Variants in WWTR1 observed in about 807,000 individuals in gnomAD.
WWTR1 encodes WW domain-containing transcription regulator protein 1.
In WWTR1, 13 loss-of-function variants were observed where a neutral mutation model predicts 40.1. The observed-to-expected ratio is 0.32, with a 90% CI of 0.21 to 0.52. The LOEUF is 0.52. Ranked by LOEUF, WWTR1 falls within the 20% of genes least tolerant of loss-of-function variation. The pLI, the probability that WWTR1 is intolerant of heterozygous loss-of-function variation, is 0.97. For missense variants in WWTR1, 436 were observed against 523.1 expected (o/e 0.83, Z 1.63); for synonymous variants, 230 against 210.1 (o/e 1.09, Z -0.82).
At chr3:149,617,104 C>G (rs1740011344) in intron 2 of WWTR1, among the ~76,000 whole-genome samples, 1 of 152,150 alleles carries the variant, frequency 6.6e-6, no homozygotes, top group African/African-American at 2.4e-5. Context: ...TAATTAAAAC[C>G]AGCACACCCA....
In WWTR1 at chr3:149,699,529, G is replaced by T. The variant is rs553705105; in HGVS notation, c.-108+3595C>A. ...GCTGGTCTTGAACTCCCAACCTCAG[G>T]TTATCTGCCTGCCTTGACCTCCCAA... On this transcript the variant is annotated intron_variant, in intron 1 of 7. Transcript: ENST00000465804. Among the ~76,000 whole-genome samples the T allele has an allele frequency of 1.0e-3, 153 of 152,186 alleles. 1 individual carries two copies. The highest frequency in any genetic ancestry group is 3.4e-3 in the Middle Eastern group (1 of 292).
intron 4 of WWTR1, among the ~76,000 whole-genome samples, chr3:149,535,250 G>T (rs554463890): frequency 1.3e-5 from 2 of 151,404 alleles, no homozygotes; most frequent in South Asian, 4.2e-4. Flanking sequence ...AAAAAAGACA[G>T]TATTTTGAAA....
At chr3:149,610,288 A>ATGATGTTTT (rs1739674876) in intron 2 of WWTR1, among the ~76,000 whole-genome samples, 1 of 152,218 alleles carries the variant, frequency 6.6e-6, no homozygotes, top group Non-Finnish European at 1.5e-5. Flanking sequence ...TTAAAATGTA[A>ATGATGTTTT]TGATGTTTTT....
At chr3:149,548,774 C>A (rs937202971) in intron 3 of WWTR1, among the ~76,000 whole-genome samples, 1 of 152,176 alleles carries the variant, frequency 6.6e-6, no homozygotes, top group Admixed American at 6.5e-5. Flanking sequence ...TCTCTCCTTT[C>A]GACAACAAAC....
chr3:149,705,083 A>G (rs1245107637), upstream of WWTR1, among the ~76,000 whole-genome samples: 4 of 152,154 alleles, frequency 2.6e-5, no homozygotes, highest in Non-Finnish European at 5.9e-5. Flanking sequence ...TTTATATGAT[A>G]AAGTTGAGAA....
intron 1 of WWTR1, among the ~76,000 whole-genome samples, chr3:149,674,355 G>A (rs13072606): frequency 0.2 from 30,277 of 151,918 alleles, 3,281 homozygotes; most frequent in Admixed American, 0.3. Flanking sequence ...TTGGGAGGCC[G>A]AGGCAGGCGG....
chr3:149,535,061 A>C lies in WWTR1; in HGVS notation c.772-7092T>G, dbSNP rs570952285. Among the ~76,000 whole-genome samples, 4 of 152,184 alleles carry C rather than the reference A, an allele frequency of 2.6e-5. No individual in the cohort carries two copies. The South Asian group carries it at 8.3e-4, about 32-fold the overall frequency. Reference sequence around the variant, plus strand: ...TCTGTCCCGCCTTGGCTGAGGGAACACTCTGCCAGCCAGCTCCTGCCCTCA... The same window carrying C: ...TCTGTCCCGCCTTGGCTGAGGGAACCCTCTGCCAGCCAGCTCCTGCCCTCA... On this transcript the variant is annotated intron_variant, in intron 4 of 6. Transcript: ENST00000360632.
At chr3:149,665,601 T>C (rs1275914599) in intron 2 of WWTR1, among the ~76,000 whole-genome samples, 1 of 152,174 alleles carries the variant, frequency 6.6e-6, no homozygotes, top group African/African-American at 2.4e-5. Flanking sequence ...AAGATTCTGA[T>C]AGTTATTTGA....
At chr3:149,595,381 T>C (rs369635867) in intron 2 of WWTR1, among the ~76,000 whole-genome samples, 8 of 152,314 alleles carry the variant, frequency 5.3e-5, no homozygotes, top group African/African-American at 1.9e-4. Context: ...AATAGGTTAT[T>C]GTTGATTTTG....
chr3:149,706,297 C>A (rs943551368), upstream of WWTR1, among the ~76,000 whole-genome samples: 1 of 152,096 alleles, frequency 6.6e-6, no homozygotes. Flanking sequence ...TATTTGTAAA[C>A]CTTAGTATTT....
chr3:149,609,385 G>A (rs1739633115), intron 2 of WWTR1, among the ~76,000 whole-genome samples: 1 of 152,198 alleles, frequency 6.6e-6, no homozygotes, highest in South Asian at 2.1e-4. Context: ...GATAGGGTCA[G>A]CAAACTATGC....
At chr3:149,718,853 T>A (rs1015758905) in intron 4 of WWTR1, among the ~76,000 whole-genome samples, 1 of 151,940 alleles carries the variant, frequency 6.6e-6, no homozygotes. Context: ...TGTGGCAGGG[T>A]CTCATTCTGT....
chr3:149,556,912 T>A (rs1014120558), intron 3 of WWTR1, among the ~76,000 whole-genome samples: 1 of 152,148 alleles, frequency 6.6e-6, no homozygotes, highest in African/African-American at 2.4e-5. Context: ...CTAAATGTTA[T>A]CCTTGAATCA....
chr3:149,711,701 T>G (rs1276084728), intron 5 of WWTR1, among the ~76,000 whole-genome samples: 1 of 152,200 alleles, frequency 6.6e-6, no homozygotes, highest in Non-Finnish European at 1.5e-5. Flanking sequence ...GCAGATTCAA[T>G]TGCCCAGTCT....
intron 2 of WWTR1, among the ~76,000 whole-genome samples, chr3:149,586,289 A>C (rs539155005): frequency 6.6e-6 from 1 of 152,130 alleles, no homozygotes; most frequent in South Asian, 2.1e-4. Context: ...AGTTAGTAGC[A>C]TTAGAATAAT....
intron 2 of WWTR1, among the ~76,000 whole-genome samples, chr3:149,602,462 C>T (rs1487133593): frequency 1.3e-5 from 2 of 152,178 alleles, no homozygotes. Context: ...TTCCAGCAGT[C>T]ACAGGGTCCT....
chr3:149,637,509 G>T (rs545181744), intron 2 of WWTR1, among the ~76,000 whole-genome samples: 22 of 152,058 alleles, frequency 1.4e-4, no homozygotes, highest in Non-Finnish European at 2.6e-4. Context: ...GGGATTATCA[G>T]CATGAGCCAC....
chr3:149,565,554 G>C (rs1257729606), intron 3 of WWTR1, among the ~76,000 whole-genome samples: 1 of 152,024 alleles, frequency 6.6e-6, no homozygotes, highest in Non-Finnish European at 1.5e-5. Context: ...TCAATCCGTT[G>C]ATTTGGTAAT....
intron 5 of WWTR1, among the ~76,000 whole-genome samples, 194 bp from the exon 6 acceptor site, chr3:149,526,319 A>G (rs1196203078): frequency 6.6e-6 from 1 of 152,216 alleles, no homozygotes; most frequent in Admixed American, 6.5e-5. Context: ...GTGGCCATTC[A>G]CAGTAAATTG....
Sources: gnomAD v4.1 joint callset for allele counts (sites outside exome capture counted in the v4.1 genomes callset) on GRCh38, gnomAD v4.1.1 for gene constraint, MANE v1.5 for transcripts, NCBI Gene and HGNC (gene_info 2026-07-23, HGNC 2026-07-21) for gene names.